Variants in GFRA2 observed in about 807,000 individuals in gnomAD.
GFRA2 encodes GDNF family receptor alpha-2.
Under a neutral mutation model 48.3 loss-of-function variants are expected in GFRA2, and 17 were observed. The ratio of observed to expected loss-of-function variants is 0.35; its 90% CI spans 0.24 to 0.53. The LOEUF (loss-of-function observed/expected upper bound fraction) is 0.53, where lower values mean the gene tolerates loss of function less well. Ranked by LOEUF, GFRA2 falls within the 20% of genes least tolerant of loss-of-function variation. The pLI is 0.93. For missense variants in GFRA2, 660 were observed against 637.3 expected (o/e 1.04, Z -0.38); for synonymous variants, 305 against 257.2 (o/e 1.19, Z -1.78).
intron 4 of GFRA2, among the ~76,000 whole-genome samples, chr8:21,728,277 T>TG (rs1368363405): frequency 7.3e-6 from 1 of 137,554 alleles, no homozygotes; most frequent in Non-Finnish European, 1.6e-5. Context: ...TTTTTTTTTT[T>TG]TTTTTTTTTT....
At chr8:21,787,905 C>G (rs1330514525) in intron 1 of GFRA2, among the ~76,000 whole-genome samples, 1 of 152,072 alleles carries the variant, frequency 6.6e-6, no homozygotes, top group Non-Finnish European at 1.5e-5. Context: ...GAGTCTCCCT[C>G]CCGATCCCCC....
At chr8:21,735,199 G>A (rs10216392) in intron 4 of GFRA2, among the ~76,000 whole-genome samples, 8,391 of 152,158 alleles carry the variant, frequency 0.055, 631 homozygotes, top group African/African-American at 0.17. Flanking sequence ...TAAATTGACT[G>A]AGATCTGTCT....
At chr8:21,746,530 A>C (rs183296192) in intron 4 of GFRA2, among the ~76,000 whole-genome samples, 30 of 152,234 alleles carry the variant, frequency 2.0e-4, no homozygotes, top group African/African-American at 6.5e-4. Context: ...AGGCCTCCTA[A>C]AGTGAGCCAT....
intron 4 of GFRA2, among the ~76,000 whole-genome samples, chr8:21,709,860 C>T (rs762991832): frequency 3.9e-5 from 6 of 152,222 alleles, no homozygotes; most frequent in Admixed American, 6.5e-5. Flanking sequence ...CAGCCCCACA[C>T]GCTGGAGAAG....
At chr8:21,729,769 C>T (rs1804089018) in intron 4 of GFRA2, among the ~76,000 whole-genome samples, 2 of 152,324 alleles carry the variant, frequency 1.3e-5, no homozygotes, top group African/African-American at 4.8e-5. Flanking sequence ...ACCGCCACCC[C>T]CAAAGGGCTT....
At chr8:21,717,894 A>C (rs1803408792) in intron 4 of GFRA2, among the ~76,000 whole-genome samples, 1 of 152,184 alleles carries the variant, frequency 6.6e-6, no homozygotes, top group Admixed American at 6.5e-5. Flanking sequence ...TGACTTCTTC[A>C]AGAACCCCTC....
chr8:21,753,790 T>C (rs1229184340), intron 3 of GFRA2, among the ~76,000 whole-genome samples: 3 of 152,256 alleles, frequency 2.0e-5, no homozygotes, highest in African/African-American at 7.2e-5. Flanking sequence ...TGTAGAATTA[T>C]ATATGTGATG....
chr8:21,781,317 C>A (rs1806973490), intron 2 of GFRA2, among the ~76,000 whole-genome samples: 1 of 152,100 alleles, frequency 6.6e-6, no homozygotes, highest in Non-Finnish European at 1.5e-5. Context: ...CCCTAATTCT[C>A]CTCCCCACTT....
chr8:21,795,160 T>C (rs1262367175), intron 2 of GFRA2, among the ~76,000 whole-genome samples: 3 of 151,630 alleles, frequency 2.0e-5, no homozygotes. Flanking sequence ...TTGGACAGAG[T>C]GGGTAGACAG....
At chr8:21,789,515 G>A (rs1409511770), upstream of GFRA2, among the ~76,000 whole-genome samples, 1 of 152,050 alleles carries the variant, frequency 6.6e-6, no homozygotes, top group Non-Finnish European at 1.5e-5. Flanking sequence ...TCCACCCTCC[G>A]TGGGCTAAGG....
upstream of GFRA2, chr8:21,790,124 A>AT: frequency 1.0e-6 from 1 of 984,402 alleles, no homozygotes; most frequent in African/African-American, 1.7e-5. Flanking sequence ...CCTAAAAGGA[A>AT]GCGTCTGGCT....
intron 4 of GFRA2, among the ~76,000 whole-genome samples, chr8:21,708,957 T>C (rs1161759720): frequency 2.0e-5 from 3 of 152,176 alleles, no homozygotes; most frequent in Non-Finnish European, 4.4e-5. Flanking sequence ...TTTCAAAGAC[T>C]TCACTGTTTG....
At position 21,785,990 on chromosome 8, in the gene GFRA2, T is replaced by G. The variant is rs1391913688; in HGVS notation, c.40+2130A>C. On this transcript the variant is annotated intron_variant, in intron 1 of 8. Transcript: ENST00000524240. ...CCTAAACACCAACCCATCCCTTCCT[T>G]TCCACTGGCCTAACCCAAAGCCTTT... Among the ~76,000 whole-genome samples the G allele has an allele frequency of 2.0e-5, 3 of 152,298 alleles. No individual in the cohort carries two copies. The East Asian group carries it at 5.8e-4, about 29-fold the overall frequency.
intron 2 of GFRA2, among the ~76,000 whole-genome samples, chr8:21,804,294 T>C (rs1334076907): frequency 4.6e-5 from 7 of 152,080 alleles, no homozygotes; most frequent in Non-Finnish European, 8.8e-5. Context: ...ACTAGTTACA[T>C]AACCTTAGGT....
chr8:21,726,577 G>T (rs1269634598), intron 4 of GFRA2, among the ~76,000 whole-genome samples: 1 of 151,966 alleles, frequency 6.6e-6, no homozygotes, highest in Non-Finnish European at 1.5e-5. Context: ...TTCTGGTGGC[G>T]CCCGGCATCC....
intron 3 of GFRA2, among the ~76,000 whole-genome samples, chr8:21,766,707 T>G (rs953249455): frequency 3.1e-5 from 1 of 32,216 alleles, no homozygotes; most frequent in Non-Finnish European, 6.6e-5. Flanking sequence ...TGGTCGGAGC[T>G]GAGACTGTTC....
rs150889959 is a variant in GFRA2 at position 21,723,836 on chromosome 8, G to A, written c.795-17795C>T. ...GAACAAACTCCAGTTCCTTCATCCC[G>A]CTTGTGCAGCGGGCATCTGGGGTGC... On this transcript the variant is annotated intron_variant, in intron 4 of 8. Coordinates refer to ENST00000524240, the MANE Select transcript of GFRA2 (RefSeq NM_001495.5). 2.1e-3 allele frequency among the ~76,000 whole-genome samples: 326 copies of A among 152,292 alleles called. 2 individuals are homozygous for A. In the Middle Eastern group the frequency reaches 0.031, roughly 14 times the overall value.
chr8:21,754,505 CTTTTTTTTTT>C (rs59344047), intron 3 of GFRA2, among the ~76,000 whole-genome samples: 4 of 121,246 alleles, frequency 3.3e-5, no homozygotes, highest in South Asian at 2.8e-4. Context: ...CTTTTTTTTT[CTTTTTTTTTT>C]TTTTTTTTTT....
chr8:21,729,578 A>C (rs566046165), intron 4 of GFRA2, among the ~76,000 whole-genome samples: 17 of 152,326 alleles, frequency 1.1e-4, no homozygotes, highest in Non-Finnish European at 2.2e-4. Context: ...TCATTAAAGA[A>C]GACGGCAGTT....
Sources: gnomAD v4.1 joint callset for allele counts (sites outside exome capture counted in the v4.1 genomes callset) on GRCh38, gnomAD v4.1.1 for gene constraint, MANE v1.5 for transcripts, NCBI Gene and HGNC (gene_info 2026-07-23, HGNC 2026-07-21) for gene names.